Variants in MDN1 observed in about 807,000 individuals in gnomAD.
MDN1 encodes the protein midasin.
In MDN1, 266 loss-of-function variants were observed where a neutral mutation model predicts 669.2. The observed-to-expected ratio is 0.40, with a 90% CI of 0.36 to 0.44. MDN1 has a LOEUF of 0.44. Among genes scored for constraint, MDN1 ranks in the 20% least tolerant of loss-of-function variants. MDN1 has a pLI of 1.00. For synonymous variants in MDN1, 2,385 were observed against 2,457.1 expected (o/e 0.97, Z 0.87); for missense variants, 5,940 against 6,754.0 (o/e 0.88, Z 4.22).
At chr6:89,684,751 G>T (rs569140428) in intron 71 of MDN1, 125 bp downstream of exon 71, 2 of 586,250 alleles carry the variant, frequency 3.4e-6, no homozygotes, top group Non-Finnish European at 6.1e-6. Context: ...CCTCCCTAGC[G>T]GTGGCAATGC....
chr6:89,730,594 C>T (rs1815524059), intron 35 of MDN1, 132 bp downstream of exon 35: 2 of 710,102 alleles, frequency 2.8e-6, no homozygotes, highest in South Asian at 3.9e-5. Flanking sequence ...TATGGTTATT[C>T]TCAAGTCAGA....
rs1810827901 is a variant in MDN1, at chr6:89,672,100, C to T, written c.13794+100G>A. 3 of 1,267,172 alleles carry T rather than the reference C, an allele frequency of 2.4e-6. No homozygotes were observed. In the African/African-American group the frequency reaches 4.6e-5, roughly 19 times the overall value. The allele number at this position is 1,267,172 out of a possible 1,614,324, so 78.5% of individuals were successfully genotyped here. A position where few individuals can be genotyped will look rare whatever the true frequency, so the allele number is the denominator to read the frequency against. On this transcript the variant is annotated intron_variant, in intron 82 of 101. Coordinates refer to ENST00000369393, the MANE Select transcript of MDN1 (RefSeq NM_014611.3). ...GTTCTTAGTGATTTTGGCACTGAGG[C>T]CTGCTCTGGCACTTATCTACGTGGA... is the stretch of plus-strand genomic sequence containing the variant.
At chr6:89,776,365 G>A (rs966371005) in intron 12 of MDN1, among the ~76,000 whole-genome samples, 2 of 152,168 alleles carry the variant, frequency 1.3e-5, no homozygotes, top group Non-Finnish European at 2.9e-5. Flanking sequence ...GGAGGCTGAC[G>A]CAGGAGAATC....
intron 57 of MDN1, 44 bp downstream of exon 57, chr6:89,700,019 G>GA (rs1562109062): frequency 1.3e-6 from 2 of 1,566,234 alleles, no homozygotes; most frequent in Non-Finnish European, 1.8e-6. Flanking sequence ...GAATAATCAA[G>GA]AAAAAAAGTT....
Position 89,819,566 on chromosome 6 carries a change from C to A in MDN1, c.42G>T (p.Arg14=), listed in dbSNP as rs774281031. 1.2e-6 allele frequency: 2 copies of A among 1,603,846 alleles called. No individual in the cohort carries two copies. The highest frequency in any genetic ancestry group is 2.2e-5 in the South Asian group (2 of 91,088). ...TCTTCTCGTTCTTGGCTGCGATTAA[C>A]CGCAGCGGCGCGGCTGCCACCTCCA... is the stretch of plus-strand genomic sequence containing the variant. ...FLLEVAAAPL[R]LIAAKNEKSR... is the part of the protein sequence containing the mutation. The change falls in exon 1 of 102, where the codon CGG becomes CGT. Residue 14 remains arginine, a synonymous_variant. Transcript: ENST00000369393.
chr6:89,684,933 A>C lies in MDN1; in HGVS notation c.11772T>G (p.Phe3924Leu), dbSNP rs1289494065. Residue 3924 changes from phenylalanine (F) to leucine (L), a missense_variant, in exon 71 of 102, where the codon TTT becomes TTG. Phe to Leu is a conservative substitution (Grantham distance 22). Around this residue, in one of 5 missense-constraint regions of MDN1, gnomAD observed 2,280 missense variants for 2,576.3 expected, o/e 0.88. Coordinates refer to ENST00000369393, the MANE Select transcript of MDN1 (RefSeq NM_014611.3). The stretch of plus-strand genomic sequence containing the variant: ...CCACAATTTTGGCCTGGACCCGGTC[A>C]AAGAATTGCTTGTAATAATGGTACA... ...WNLYHYYKQF[F>L]DRVQAKIVEL... 1.2e-6 allele frequency: 2 copies of C among 1,613,800 alleles called. No individual in the cohort carries two copies. The highest frequency in any genetic ancestry group is 1.7e-6 in the Non-Finnish European group (2 of 1,179,822).
At chr6:89,771,875 T>G (rs1396642215) in intron 14 of MDN1, among the ~76,000 whole-genome samples, 3 of 152,052 alleles carry the variant, frequency 2.0e-5, no homozygotes, top group Non-Finnish European at 2.9e-5. Flanking sequence ...CTTGGCTAAT[T>G]TTTGTAATTT....
At chr6:89,803,695 CCCG>C in intron 1 of MDN1, 141 bp from the exon 2 acceptor site, 1 of 644,756 alleles carries the variant, frequency 1.6e-6, no homozygotes. Context: ...CATTCTCCTG[CCCG>C]AGCCGCCCAA....
Position 89,758,936 on chromosome 6 carries a change from T to C in MDN1, c.2485A>G (p.Lys829Glu). 1 of 1,613,968 alleles carries C rather than the reference T, an allele frequency of 6.2e-7. No individual in the cohort carries two copies. The highest frequency in any genetic ancestry group is 8.5e-7 in the Non-Finnish European group (1 of 1,179,796). ...TCATCCAACAAGATCCACTCTCCTTTCTTTACAGCCTGAGCTAATGTACCC... is the reference window on the plus strand; with the variant it reads ...TCATCCAACAAGATCCACTCTCCTTCCTTTACAGCCTGAGCTAATGTACCC... ...VEGTLAQAVK[K>E]GEWILLDEIN... The change falls in exon 18 of 102, where the codon AAA (lysine) becomes GAA (glutamate). Residue 829 changes from lysine (K) to glutamate (E), a missense_variant. Lys to Glu is a moderately conservative substitution (Grantham distance 56, BLOSUM62 1). This residue lies in a region of MDN1 where 1,203 missense variants were observed against 1,268.9 expected (regional missense o/e 0.95). Transcript: ENST00000369393.
chr6:89,690,731 A>C lies in MDN1; in HGVS notation c.10691T>G (p.Leu3564Arg). Reference sequence around the variant, plus strand: ...CCGTTCTTCCTCCTCCTCTTCACTCAGGGCTGTCCTAGAGTTCCTGCTCCT... The same window carrying C: ...CCGTTCTTCCTCCTCCTCTTCACTCCGGGCTGTCCTAGAGTTCCTGCTCCT... The part of the protein sequence containing the change: ...RYRSRNSRTA[L>R]SEEEEEEREF... The change falls in exon 64 of 102, where the codon CTG becomes CGG. Residue 3564 changes from leucine to arginine, a missense_variant. Leu to Arg is a moderately radical substitution (Grantham distance 102). Coordinates refer to ENST00000369393, the MANE Select transcript of MDN1 (RefSeq NM_014611.3). 6.2e-7 allele frequency: 1 copy of C among 1,614,096 alleles called. No homozygotes were observed.
chr6:89,812,307 G>A (rs1339540077), intron 1 of MDN1, among the ~76,000 whole-genome samples: 2 of 151,972 alleles, frequency 1.3e-5, no homozygotes, highest in African/African-American at 4.8e-5. Context: ...TTTATTGGCC[G>A]GGTGTGGTTA....
rs181978615 is a variant in MDN1, at chr6:89,692,503, G to A, written c.10527C>T (p.His3509=). 44 of 1,614,222 alleles carry A rather than the reference G, an allele frequency of 2.7e-5. No homozygotes were observed. The highest frequency in any genetic ancestry group is 3.1e-5 in the Non-Finnish European group (36 of 1,180,038). The part of the protein sequence containing the change: ...LMNALLYLRS[H]VLCKGELDQR... ...GGTCCAACTCTCCCTTGCATAACAC[G>A]TGGGAGCGCAGGTAAAGGAGAGCAT... The change falls in exon 63 of 102, where the codon CAC becomes CAT. Residue 3509 remains histidine, a synonymous_variant. Transcript: ENST00000369393.
At chr6:89,772,549 A>T in intron 14 of MDN1, 24 bp downstream of exon 14, 1 of 1,602,474 alleles carries the variant, frequency 6.2e-7, no homozygotes, top group Non-Finnish European at 8.5e-7. Context: ...ATCTGGGGGC[A>T]GATTTATTTC....
At chr6:89,791,604 G>A (rs1460663624) in intron 5 of MDN1, among the ~76,000 whole-genome samples, 1 of 152,070 alleles carries the variant, frequency 6.6e-6, no homozygotes, top group Non-Finnish European at 1.5e-5. Flanking sequence ...GACATTTTCT[G>A]TAACAAAAAG....
At chr6:89,739,049 T>C (rs908805160) in intron 32 of MDN1, among the ~76,000 whole-genome samples, 4 of 152,242 alleles carry the variant, frequency 2.6e-5, no homozygotes, top group African/African-American at 9.6e-5. Context: ...ATAAGCATCA[T>C]TATTGGTTTG....
At position 89,772,575 on chromosome 6, in the gene MDN1, G is replaced by A. The variant is rs1284181616; in HGVS notation, c.2081C>T (p.Thr694Ile). Residue 694 changes from threonine to isoleucine, a missense_variant and splice_region_variant, in exon 14 of 102, where the codon ACA (threonine) becomes ATA (isoleucine). Physicochemically the swap from Thr to Ile is moderately conservative, Grantham distance 89. Transcript: ENST00000369393. Reference sequence around the variant, plus strand: ...GATTTATTTCCTCTAGGGATTACCTGTAATGTGAGCCAAGTATTGGATGGT... The same window carrying A: ...GATTTATTTCCTCTAGGGATTACCTATAATGTGAGCCAAGTATTGGATGGT... The part of the protein sequence containing the change: ...TSTIQYLAHI[T>I]GHRLRVVNMN... The A allele has an allele frequency of 6.2e-7, 1 of 1,613,818 alleles. No homozygotes were observed. The highest frequency in any genetic ancestry group is 8.5e-7 in the Non-Finnish European group (1 of 1,179,958).
chr6:89,699,936 G>A (rs1813028343), intron 57 of MDN1, 127 bp downstream of exon 57: 1 of 1,136,194 alleles, frequency 8.8e-7, no homozygotes, highest in Non-Finnish European at 1.2e-6. Flanking sequence ...TTCCAAAGTG[G>A]CAAATCACTT....
At position 89,657,194 on chromosome 6, in the gene MDN1, C is replaced by T. The variant is rs1185996268; in HGVS notation, c.15184-393G>A. Among the ~76,000 whole-genome samples the T allele has an allele frequency of 3.3e-5, 5 of 152,178 alleles. No homozygotes were observed. In the East Asian group the frequency reaches 5.8e-4, roughly 18 times the overall value. On this transcript the variant is annotated intron_variant, in intron 90 of 101. Coordinates refer to ENST00000369393, the MANE Select transcript of MDN1 (RefSeq NM_014611.3). ...CAAATATACAATGAAGAAAATAGTA[C>T]AATATCATCTATCTCATGGGGACAT...
chr6:89,718,190 A>G (rs1360716795), intron 43 of MDN1, among the ~76,000 whole-genome samples, 176 bp downstream of exon 43: 1 of 152,242 alleles, frequency 6.6e-6, no homozygotes, highest in African/African-American at 2.4e-5. Flanking sequence ...TTTCAGGATC[A>G]ACTATTCTGA....
Sources: gnomAD v4.1 joint callset for allele counts (sites outside exome capture counted in the v4.1 genomes callset) on GRCh38, gnomAD v4.1.1 for gene constraint, gnomAD v4.1.1 regional missense constraint, MANE v1.5 for transcripts, NCBI Gene and HGNC (gene_info 2026-07-23, HGNC 2026-07-21) for gene names.